GUSB: variants seen among roughly 807,000 people sequenced by gnomAD.
GUSB encodes the protein beta-glucuronidase.
GUSB carries 51 observed loss-of-function variants against 74.6 expected under a neutral mutation model. The observed-to-expected ratio is 0.68, with a 90% CI of 0.55 to 0.86. The LOEUF is 0.86. Among genes scored for constraint, GUSB ranks in the 40% least tolerant of loss-of-function variants. The probability of loss-of-function intolerance (pLI) is 0.00; values close to 1 mark genes in which losing one functional copy is unlikely to be tolerated. For synonymous variants in GUSB, 360 were observed against 348.3 expected, an observed-to-expected ratio of 1.03 and a Z score of -0.37; for missense variants, 736 against 853.7, an observed-to-expected ratio of 0.86 and a Z score of 1.72.
At chr7:65,975,918 A>T in intron 5 of GUSB, 97 bp downstream of exon 5, 1 of 942,388 alleles carries the variant, frequency 1.1e-6, no homozygotes, top group Non-Finnish European at 1.6e-6. Context: ...TCAGAGGACC[A>T]TGCCTGCCCA....
At position 65,979,886 on chromosome 7, in the gene GUSB, T is replaced by A; in HGVS notation, c.422A>T (p.Glu141Val). 6.2e-7 allele frequency: 1 copy of A among 1,607,714 alleles called. No individual in the cohort carries two copies. The highest frequency in any genetic ancestry group is 8.5e-7 in the Non-Finnish European group (1 of 1,178,114). ...IVWVNGVDTL[E>V]HEGGYLPFEA... ...GAAGGGGAGGTAGCCCCCCTCATGCTCTAGCGTGTCGACCCCATTCACCCA... is the reference window on the plus strand; with the variant it reads ...GAAGGGGAGGTAGCCCCCCTCATGCACTAGCGTGTCGACCCCATTCACCCA... Residue 141 changes from glutamate (E) to valine (V), a missense_variant, in exon 3 of 12, where the codon GAG becomes GTG. Coordinates refer to ENST00000304895, the MANE Select transcript of GUSB (RefSeq NM_000181.4).
Position 65,964,804 on chromosome 7 carries a change from C to T in GUSB, c.1654-346G>A, listed in dbSNP as rs185406376. On this transcript the variant is annotated intron_variant, in intron 10 of 11. Coordinates refer to ENST00000304895, the MANE Select transcript of GUSB (RefSeq NM_000181.4). Reference sequence around the variant, plus strand: ...TGTCTTTCAGTCAGGTGCAGTGGCTCATGTCTGTCATCCCAGCAATTTGGG... The same window carrying T: ...TGTCTTTCAGTCAGGTGCAGTGGCTTATGTCTGTCATCCCAGCAATTTGGG... Among the ~76,000 whole-genome samples the T allele has an allele frequency of 7.4e-3, 1,132 of 152,260 alleles. 9 individuals are homozygous for T. Among genetic ancestry groups the T allele is most frequent in the Non-Finnish European group, 0.011 (749 of 68,022 alleles).
intron 11 of GUSB, among the ~76,000 whole-genome samples, chr7:65,961,507 T>C (rs1030182350): frequency 6.6e-6 from 1 of 152,186 alleles, no homozygotes; most frequent in Non-Finnish European, 1.5e-5. Context: ...TAAATACCAC[T>C]GCTCTGCCCA....
chr7:65,979,068 G>GCC (rs59953928), intron 4 of GUSB, among the ~76,000 whole-genome samples: 1 of 151,338 alleles, frequency 6.6e-6, no homozygotes, highest in African/African-American at 2.4e-5. Flanking sequence ...CATGCCCGGC[G>GCC]CCCCCCCCAC....
intron 10 of GUSB, among the ~76,000 whole-genome samples, chr7:65,967,424 A>G (rs978439902): frequency 6.6e-6 from 1 of 152,234 alleles, no homozygotes; most frequent in Non-Finnish European, 1.5e-5. Context: ...ACCACACTCC[A>G]GCCTGGGTGA....
intron 1 of GUSB, 187 bp from the exon 2 acceptor site, chr7:65,980,596 G>C (rs1562697212): frequency 7.9e-6 from 5 of 634,542 alleles, no homozygotes; most frequent in Non-Finnish European, 1.1e-5. Context: ...GGGCCAGTGG[G>C]GCCAGGAGTT....
At chr7:65,967,590 G>C (rs1427588699) in intron 10 of GUSB, 141 bp downstream of exon 10, 20 of 751,686 alleles carry the variant, frequency 2.7e-5, no homozygotes, top group Admixed American at 1.9e-5. Context: ...TTGGCGGTGA[G>C]GGAACGTGGA....
In GUSB at chr7:65,982,033, A is replaced by T. The variant is rs2116062709; in HGVS notation, c.151T>A (p.Phe51Ile). The T allele has an allele frequency of 6.2e-6, 10 of 1,610,646 alleles. No individual in the cohort carries two copies. The highest frequency in any genetic ancestry group is 8.5e-6 in the Non-Finnish European group (10 of 1,179,390). The change falls in exon 1 of 12, where the codon TTC becomes ATC. Residue 51 changes from phenylalanine to isoleucine, a missense_variant. Physicochemically the swap from Phe to Ile is conservative, Grantham distance 21. Transcript: ENST00000304895. ...LDGLWSFRAD[F>I]SDNRRRGFEE... ...AAGCCCCGGCGTCGGTTGTCAGAGA[A>T]GTCGGCGCGGAAGCTCCAGAGGCCG...
chr7:65,980,184 T>TCG, intron 2 of GUSB, 40 bp downstream of exon 2: 11 of 720,092 alleles, frequency 1.5e-5, no homozygotes, highest in Middle Eastern at 3.7e-4. Flanking sequence ...TCAGCAGCCG[T>TCG]GCCCCCCCAC....
chr7:65,974,959 G>T lies in GUSB; in HGVS notation c.1025C>A (p.Pro342His), dbSNP rs368189360. The change falls in exon 6 of 12, where the codon CCT (proline) becomes CAT (histidine). Residue 342 changes from proline to histidine, a missense_variant. Pro to His is a moderately conservative substitution (Grantham distance 77, BLOSUM62 -2). Transcript: ENST00000304895. ...TKSQFLINGK[P>H]FYFHGVNKHE... ...CTTGTTGACACCGTGGAAATAGAAA[G>T]GTTTCCCATTGATGAGGAACTGGCT... The T allele has an allele frequency of 1.9e-6, 3 of 1,613,754 alleles. No homozygotes were observed. The African/African-American group carries it at 4.0e-5, about 22-fold the overall frequency.
chr7:65,964,093 CTCTCCTGTT>C (rs1583888696), intron 11 of GUSB: 1 of 563,906 alleles, frequency 1.8e-6, no homozygotes, highest in African/African-American at 1.9e-5. Flanking sequence ...CTATAGCTGA[CTCTCCTGTT>C]TGCTTTTTGA....
intron 4 of GUSB, 58 bp from the exon 5 acceptor site, chr7:65,976,260 C>A: frequency 8.2e-7 from 1 of 1,218,018 alleles, no homozygotes; most frequent in East Asian, 2.3e-5. Flanking sequence ...GTCACACAAA[C>A]AGGAGCGCCC....
intron 4 of GUSB, among the ~76,000 whole-genome samples, chr7:65,976,956 C>G (rs972221080): frequency 2.6e-5 from 4 of 151,874 alleles, no homozygotes; most frequent in Non-Finnish European, 5.9e-5. Context: ...AACCACGGCA[C>G]TGAGACACGT....
chr7:65,978,199 C>T (rs1388894457), intron 4 of GUSB, among the ~76,000 whole-genome samples: 2 of 152,148 alleles, frequency 1.3e-5, no homozygotes, highest in Non-Finnish European at 2.9e-5. Context: ...TTCCTGTAAT[C>T]CCAGCATTTT....
At position 65,982,154 on chromosome 7, in the gene GUSB, C is replaced by T. The variant is rs1405881172; in HGVS notation, c.30G>A (p.Ala10=). The change falls in exon 1 of 12, where the codon GCG becomes GCA. Residue 10 remains alanine (A), a synonymous_variant. Coordinates refer to ENST00000304895, the MANE Select transcript of GUSB (RefSeq NM_000181.4). The stretch of plus-strand genomic sequence containing the variant: ...AGCCCCACAACAACGGCCCGAGCGC[C>T]GCCCAGGCAACCGCCGACCCCCGGG... MARGSAVAW[A]ALGPLLWGCA... is the part of the protein sequence containing the mutation. 4 of 1,528,328 alleles carry T rather than the reference C, an allele frequency of 2.6e-6. No individual in the cohort carries two copies. Among genetic ancestry groups the T allele is most frequent in the South Asian group, 2.4e-5 (2 of 83,632 alleles). 94.7% of individuals were successfully genotyped at this position (1,528,328 alleles called of 1,614,324 possible). A position where few individuals can be genotyped will look rare whatever the true frequency, so the allele number is the denominator to read the frequency against.
rs1790425582 is a variant in GUSB, at chr7:65,960,695, C to T, written c.*202G>A. ...ATGATTTCAGATGCTTTTCAGTAGC[C>T]ACTTTCATGCCAACTCTTTATTTCC... On this transcript the variant is annotated 3_prime_UTR_variant, in exon 12 of 12. Coordinates refer to ENST00000304895, the MANE Select transcript of GUSB (RefSeq NM_000181.4). 1.7e-6 allele frequency: 1 copy of T among 591,384 alleles called. No individual in the cohort carries two copies. Among genetic ancestry groups the T allele is most frequent in the Non-Finnish European group, 3.0e-6 (1 of 332,242 alleles). 36.6% of individuals were successfully genotyped at this position (591,384 alleles called of 1,614,324 possible). A position where few individuals can be genotyped will look rare whatever the true frequency, so the allele number is the denominator to read the frequency against.
chr7:65,967,949 A>G, intron 9 of GUSB, 42 bp from the exon 10 acceptor site: 10 of 1,500,530 alleles, frequency 6.7e-6, no homozygotes, highest in Non-Finnish European at 8.3e-6. Flanking sequence ...CTCAGTAGAC[A>G]GCATGACTCA....
chr7:65,974,540 C>G lies in GUSB; in HGVS notation c.1230G>C (p.Val410=). The G allele has an allele frequency of 6.2e-7, 1 of 1,614,164 alleles. No homozygotes were observed. Among genetic ancestry groups the G allele is most frequent in the Admixed American group, 1.7e-5 (1 of 60,026 alleles). The change falls in exon 7 of 12, where the codon GTG becomes GTC. Residue 410 remains valine, a synonymous_variant. Coordinates refer to ENST00000304895, the MANE Select transcript of GUSB (RefSeq NM_000181.4). ...CAGAGACTCACGGCAGCGCCAGGCCCACGCCGGGACACTCATCGATGACCA... is the reference window on the plus strand; with the variant it reads ...CAGAGACTCACGGCAGCGCCAGGCCGACGCCGGGACACTCATCGATGACCA... ...GIVVIDECPG[V]GLALPQFFNN...
chr7:65,970,254 G>C (rs1411039417), intron 9 of GUSB, 28 bp downstream of exon 9: 6 of 1,412,956 alleles, frequency 4.2e-6, no homozygotes, highest in Non-Finnish European at 6.0e-6. Context: ...AAGGCAGGGA[G>C]AAGTGGGGTG....
Sources: gnomAD v4.1 joint callset for allele counts (sites outside exome capture counted in the v4.1 genomes callset) on GRCh38, gnomAD v4.1.1 for gene constraint, MANE v1.5 for transcripts, NCBI Gene and HGNC (gene_info 2026-07-23, HGNC 2026-07-21) for gene names.